The following RORA variants were observed in gnomAD, a reference collection of about 807,000 sequenced individuals.
The protein encoded by RORA is RAR related orphan receptor A, also known as nuclear receptor ROR-alpha.
RORA carries 7 observed loss-of-function variants against 69.5 expected under a neutral mutation model. The observed-to-expected ratio is 0.10, with a 90% CI of 0.06 to 0.19. The LOEUF is 0.19. RORA is among the 10% of genes least tolerant of loss of function. The pLI, the probability that RORA is intolerant of heterozygous loss-of-function variation, is 1.00. For missense variants in RORA, 457 were observed against 663.0 expected, an observed-to-expected ratio of 0.69 and a Z score of 3.41; for synonymous variants, 261 against 240.8, an observed-to-expected ratio of 1.08 and a Z score of -0.78.
chr15:61,200,115 A>G (rs2079881655), intron 1 of RORA, among the ~76,000 whole-genome samples: 1 of 152,220 alleles, frequency 6.6e-6, no homozygotes, highest in Non-Finnish European at 1.5e-5. Context: ...TGGGGAACAG[A>G]AAGAGACACA....
At chr15:60,643,795 G>A (rs2069987718) in intron 2 of RORA, among the ~76,000 whole-genome samples, 1 of 152,198 alleles carries the variant, frequency 6.6e-6, no homozygotes, top group Non-Finnish European at 1.5e-5. Flanking sequence ...CAGCCCTGAG[G>A]GGAGTTATTG....
At chr15:60,772,499 G>A (rs12905602) in intron 1 of RORA, among the ~76,000 whole-genome samples, 31,227 of 152,120 alleles carry the variant, frequency 0.21, 3,795 homozygotes, top group African/African-American at 0.34. Flanking sequence ...TTCTTTAAAA[G>A]CTGTTTTAAA....
chr15:60,914,873 C>T (rs1025564077), intron 1 of RORA, among the ~76,000 whole-genome samples: 10 of 152,152 alleles, frequency 6.6e-5, no homozygotes, highest in Admixed American at 1.3e-4. Flanking sequence ...GGTCAGTGGG[C>T]CATCCAGGAA....
rs185646768 is a variant in RORA at position 61,081,620 on chromosome 15, A to C, written c.166+147433T>G. Among the ~76,000 whole-genome samples the C allele has an allele frequency of 1.6e-3, 238 of 152,154 alleles. 1 individual carries two copies. The highest frequency in any genetic ancestry group is 2.8e-3 in the Non-Finnish European group (192 of 67,992). On this transcript the variant is annotated intron_variant, in intron 1 of 10. Coordinates refer to ENST00000335670, the MANE Select transcript of RORA (RefSeq NM_134261.3). ...CAGGAGATCGAGACCATCCTGGCTA[A>C]CATGGTGAAACCCCATCTCTACTAA...
At chr15:60,788,582 A>G (rs2072372883) in intron 1 of RORA, among the ~76,000 whole-genome samples, 1 of 152,180 alleles carries the variant, frequency 6.6e-6, no homozygotes, top group African/African-American at 2.4e-5. Flanking sequence ...ATGCTGACGC[A>G]TGCATTTTGC....
rs537505582 is a variant in RORA at position 60,836,180 on chromosome 15, C to T, written c.167-157494G>A. The stretch of plus-strand genomic sequence containing the variant: ...TGTACCGTTAGTCAGCATGTGCTGG[C>T]GTAAATGTCATTCCGTGGGAAAAGA... On this transcript the variant is annotated intron_variant, in intron 1 of 10. Coordinates refer to ENST00000335670, the MANE Select transcript of RORA (RefSeq NM_134261.3). Among the ~76,000 whole-genome samples the T allele has an allele frequency of 2.0e-5, 3 of 152,266 alleles. No homozygotes were observed. In the East Asian group the frequency reaches 5.8e-4, roughly 29 times the overall value.
At chr15:60,860,633 C>A (rs1352529357) in intron 1 of RORA, among the ~76,000 whole-genome samples, 1 of 152,142 alleles carries the variant, frequency 6.6e-6, no homozygotes, top group Non-Finnish European at 1.5e-5. Context: ...GAAAGTGAAA[C>A]AAAAATCCTG....
chr15:60,531,932 A>C lies in RORA; in HGVS notation c.197-81T>G. 2 of 763,888 alleles carry C rather than the reference A, an allele frequency of 2.6e-6. No individual in the cohort carries two copies. Among genetic ancestry groups the C allele is most frequent in the Non-Finnish European group, 4.4e-6 (2 of 459,178 alleles). 47.3% of individuals were successfully genotyped at this position (763,888 alleles called of 1,614,324 possible). A position where few individuals can be genotyped will look rare whatever the true frequency, so the allele number is the denominator to read the frequency against. ...AGCGTTCCCTGATCAGCATTTGTATAGTGAAAACTAATAACCTGCTAAACA... is the reference window on the plus strand; with the variant it reads ...AGCGTTCCCTGATCAGCATTTGTATCGTGAAAACTAATAACCTGCTAAACA... On this transcript the variant is annotated intron_variant, in intron 2 of 10. Transcript: ENST00000335670. This position sits in a 1 kb window ranked among gnomAD's most constrained non-coding sequence, Gnocchi z 4.8.
At chr15:60,917,194 G>A (rs145242030) in intron 1 of RORA, among the ~76,000 whole-genome samples, 1 of 152,334 alleles carries the variant, frequency 6.6e-6, no homozygotes, top group East Asian at 1.9e-4. Context: ...AAAATGTCAT[G>A]CATTTTCAAT....
At position 61,211,284 on chromosome 15, in the gene RORA, C is replaced by CAA. The variant is rs58967697; in HGVS notation, c.166+17767_166+17768dup. Among the ~76,000 whole-genome samples, 36 of 93,260 alleles carry CAA rather than the reference C, an allele frequency of 3.9e-4. 1 individual carries two copies. The highest frequency in any genetic ancestry group is 2.4e-3 in the East Asian group (8 of 3,366). The allele number at this position is 93,260 out of a possible 152,430, so 61.2% of individuals were successfully genotyped here. On this transcript the variant is annotated intron_variant, in intron 1 of 10. Transcript: ENST00000335670. ...AAAAAGACAGAGAAGAAAACAACAG[C>CAA]AAAAAAAAAAAAAAAAAAAGGATCA...
At chr15:60,685,170 C>T (rs552787141) in intron 1 of RORA, among the ~76,000 whole-genome samples, 4 of 152,218 alleles carry the variant, frequency 2.6e-5, no homozygotes, top group South Asian at 2.1e-4. Context: ...CGGGATAATC[C>T]GGGAAGGCAG....
chr15:60,853,617 A>G (rs528897872), intron 1 of RORA, among the ~76,000 whole-genome samples: 1 of 152,336 alleles, frequency 6.6e-6, no homozygotes, highest in South Asian at 2.1e-4. Context: ...CTGGCTCCAG[A>G]TATACCTGGA....
intron 1 of RORA, among the ~76,000 whole-genome samples, chr15:61,006,118 G>A (rs959011672): frequency 6.6e-5 from 10 of 152,032 alleles, no homozygotes; most frequent in African/African-American, 9.6e-5. Context: ...ACAGGCAGGC[G>A]CCACCATGCC....
chr15:60,945,250 C>G (rs1057371905), intron 1 of RORA, among the ~76,000 whole-genome samples: 1 of 152,192 alleles, frequency 6.6e-6, no homozygotes, highest in Non-Finnish European at 1.5e-5. Flanking sequence ...TCTCATCTCT[C>G]TTTTTAAAGG....
intron 1 of RORA, among the ~76,000 whole-genome samples, chr15:61,171,276 T>G (rs373674217): frequency 1.3e-4 from 20 of 152,110 alleles, no homozygotes; most frequent in African/African-American, 4.8e-4. Flanking sequence ...GGCTATGCCA[T>G]CCTTGTGATC....
chr15:60,768,089 GT>G (rs2072017494), intron 1 of RORA, among the ~76,000 whole-genome samples: 1 of 152,196 alleles, frequency 6.6e-6, no homozygotes, highest in African/African-American at 2.4e-5. Context: ...AATTGGAAGG[GT>G]CAACAGTAAA....
rs549231859 is a variant in RORA at position 61,077,049 on chromosome 15, G to A, written c.166+152004C>T. On this transcript the variant is annotated intron_variant, in intron 1 of 10. Transcript: ENST00000335670. ...GAAACACTAAAACCGATTTTGTTGC[G>A]GTAATGCCTTAAACGGAGAAAACAC... 6.6e-5 allele frequency among the ~76,000 whole-genome samples: 10 copies of A among 152,268 alleles called. No individual in the cohort carries two copies. The East Asian group carries it at 9.6e-4, about 15-fold the overall frequency.
intron 1 of RORA, among the ~76,000 whole-genome samples, chr15:60,929,737 C>T (rs549998671): frequency 6.6e-6 from 1 of 152,260 alleles, no homozygotes; most frequent in South Asian, 2.1e-4. Flanking sequence ...TCTGGCTTCC[C>T]TTGGAGTGCT....
intron 2 of RORA, chr15:60,677,252 T>C (rs1406234247): frequency 4.4e-6 from 2 of 454,286 alleles, no homozygotes; most frequent in Non-Finnish European, 8.9e-6. Flanking sequence ...TACAGAGGAC[T>C]TCAGTCTCCT....
Sources: gnomAD v4.1 joint callset for allele counts (sites outside exome capture counted in the v4.1 genomes callset) on GRCh38, gnomAD v4.1.1 for gene constraint, Gnocchi (gnomAD v3.1) non-coding constraint, MANE v1.5 for transcripts, NCBI Gene and HGNC (gene_info 2026-07-23, HGNC 2026-07-21) for gene names.